ADK: variants seen among roughly 807,000 people sequenced by gnomAD.
ADK encodes N6,N6-dimethyladenosine kinase.
A neutral mutation model predicts 44.7 loss-of-function variants in ADK; 24 were observed. The ratio of observed to expected loss-of-function variants is 0.54; its 90% confidence interval spans 0.39 to 0.76. The LOEUF is 0.76. Ranked by LOEUF, ADK falls within the 30% of genes least tolerant of loss-of-function variation. ADK has a pLI of 0.00. For missense variants in ADK, 321 were observed against 425.1 expected, an observed-to-expected ratio of 0.76 and a Z score of 2.15; for synonymous variants, 128 against 142.6, an observed-to-expected ratio of 0.90 and a Z score of 0.73.
At chr10:74,502,658 G>A (rs1005183401) in intron 6 of ADK, among the ~76,000 whole-genome samples, 2 of 152,154 alleles carry the variant, frequency 1.3e-5, no homozygotes, top group African/African-American at 4.8e-5. Flanking sequence ...ACCTTGTCTT[G>A]TGATGAAGCT....
chr10:74,304,031 T>C (rs1840168126), intron 3 of ADK, among the ~76,000 whole-genome samples: 1 of 152,168 alleles, frequency 6.6e-6, no homozygotes, highest in Admixed American at 6.5e-5. Context: ...AAAAGTAATA[T>C]TGTATGTCTG....
chr10:74,294,016 A>G (rs2132490248), intron 3 of ADK, among the ~76,000 whole-genome samples: 1 of 152,316 alleles, frequency 6.6e-6, no homozygotes, highest in South Asian at 2.1e-4. Context: ...CTTTAAATAT[A>G]TGGAATCATA....
rs563433521 is a variant in ADK, at chr10:74,619,188, C to T, written c.877+18695C>T. On this transcript the variant is annotated intron_variant, in intron 9 of 10. Coordinates refer to ENST00000539909, the MANE Select transcript of ADK (RefSeq NM_006721.4). ...CATCCAGTGAGGCTGGGTCCAGTGG[C>T]TCATGCCTGTAATCCCAGCACTTTG... Among the ~76,000 whole-genome samples the T allele has an allele frequency of 9.2e-5, 14 of 152,270 alleles. No homozygotes were observed. In the East Asian group the frequency reaches 2.5e-3, roughly 27 times the overall value.
rs1297025174 is a variant in ADK, at chr10:74,171,808, CTCTG to C, written c.65+20467_65+20470del. On this transcript the variant is annotated intron_variant, in intron 1 of 10. Coordinates refer to ENST00000539909, the MANE Select transcript of ADK (RefSeq NM_006721.4). Reference sequence around the variant, plus strand: ...ACTCTCTTTCTGTCTCTCTCTGTCTCTCTGTGTGTGTGTGTGTGTGTGTGTGTGT... The same window carrying C: ...ACTCTCTTTCTGTCTCTCTCTGTCTCTGTGTGTGTGTGTGTGTGTGTGTGT... Among the ~76,000 whole-genome samples the C allele has an allele frequency of 6.1e-3, 868 of 142,584 alleles. 7 individuals carry two copies. Among genetic ancestry groups the C allele is most frequent in the African/African-American group, 0.021 (729 of 35,496 alleles). 93.5% of individuals were successfully genotyped at this position (142,584 alleles called of 152,430 possible).
At chr10:74,258,528 A>AGT (rs1015328705) in intron 3 of ADK, among the ~76,000 whole-genome samples, 31 of 152,158 alleles carry the variant, frequency 2.0e-4, no homozygotes, top group African/African-American at 7.0e-4. Flanking sequence ...ATTATACACT[A>AGT]ATCAATTATA....
At chr10:74,169,074 C>T (rs1187086577) in intron 1 of ADK, among the ~76,000 whole-genome samples, 1 of 152,044 alleles carries the variant, frequency 6.6e-6, no homozygotes, top group Admixed American at 6.6e-5. Flanking sequence ...AAAAAATTAG[C>T]TGGGCATGGT....
intron 9 of ADK, among the ~76,000 whole-genome samples, chr10:74,660,198 G>T (rs904077416): frequency 2.0e-5 from 3 of 151,946 alleles, no homozygotes; most frequent in Admixed American, 2.0e-4. Flanking sequence ...GCACTATCTC[G>T]GCTCACTGCA....
intron 4 of ADK, among the ~76,000 whole-genome samples, chr10:74,381,493 A>G (rs1271833009): frequency 6.6e-6 from 1 of 152,254 alleles, no homozygotes; most frequent in Non-Finnish European, 1.5e-5. Context: ...AACAGCAGTC[A>G]GCAATGATGA....
intron 6 of ADK, among the ~76,000 whole-genome samples, chr10:74,466,160 G>A (rs532291334): frequency 2.0e-4 from 30 of 152,150 alleles, no homozygotes; most frequent in African/African-American, 6.5e-4. Flanking sequence ...TGGATGTACC[G>A]GAGCATGTGT....
At chr10:74,477,397 A>G (rs1010479649) in intron 6 of ADK, among the ~76,000 whole-genome samples, 16 of 152,016 alleles carry the variant, frequency 1.1e-4, no homozygotes, top group Non-Finnish European at 5.9e-5. Context: ...TTTTAGAGAT[A>G]GGGTTTTTCC....
chr10:74,526,435 A>G (rs561468342), intron 7 of ADK, among the ~76,000 whole-genome samples: 7 of 152,370 alleles, frequency 4.6e-5, no homozygotes, highest in Admixed American at 6.5e-5. Context: ...GTGTCTTCCT[A>G]TGACTTGGCC....
At chr10:74,275,864 C>T (rs1256954642) in intron 3 of ADK, among the ~76,000 whole-genome samples, 2 of 152,130 alleles carry the variant, frequency 1.3e-5, no homozygotes, top group African/African-American at 4.8e-5. Context: ...TGTTCTTTAA[C>T]TCCTGACCTC....
At position 74,650,056 on chromosome 10, in the gene ADK, G is replaced by T. The variant is rs536960223; in HGVS notation, c.878-20127G>T. Among the ~76,000 whole-genome samples, 5 of 152,244 alleles carry T rather than the reference G, an allele frequency of 3.3e-5. No individual in the cohort carries two copies. The South Asian group carries it at 1.0e-3, about 32-fold the overall frequency. On this transcript the variant is annotated intron_variant, in intron 9 of 10. Coordinates refer to ENST00000539909, the MANE Select transcript of ADK (RefSeq NM_006721.4). ...TTTCCCCTCAGATCCTAGATTTTCA[G>T]ATTAAGCTAATCTTAGAACATGGGC...
chr10:74,601,637 T>A (rs1004046212), intron 9 of ADK, among the ~76,000 whole-genome samples: 5 of 151,994 alleles, frequency 3.3e-5, no homozygotes, highest in Non-Finnish European at 7.4e-5. Context: ...TATGCTATTA[T>A]CTCCACTTGT....
intron 4 of ADK, among the ~76,000 whole-genome samples, chr10:74,370,662 A>G (rs1474089976): frequency 6.6e-6 from 1 of 152,094 alleles, no homozygotes; most frequent in African/African-American, 2.4e-5. Context: ...GCAGTTTGAA[A>G]TATGTGTGAT....
At chr10:74,473,229 G>C (rs1846675287) in intron 6 of ADK, among the ~76,000 whole-genome samples, 1 of 151,738 alleles carries the variant, frequency 6.6e-6, no homozygotes, top group Non-Finnish European at 1.5e-5. Context: ...TATAGAGAGA[G>C]AGCCACTGTG....
chr10:74,592,364 AAAT>A (rs1315934296), intron 8 of ADK, among the ~76,000 whole-genome samples: 1 of 152,160 alleles, frequency 6.6e-6, no homozygotes, highest in Non-Finnish European at 1.5e-5. Context: ...ACATAAATAA[AAAT>A]AAGGTGCTCA....
intron 4 of ADK, among the ~76,000 whole-genome samples, chr10:74,345,883 G>A (rs139379840): frequency 6.6e-5 from 10 of 152,018 alleles, no homozygotes; most frequent in African/African-American, 2.2e-4. Context: ...AAAATTTCTG[G>A]GTTTTTGTTG....
At chr10:74,338,318 G>A (rs1841477463) in intron 4 of ADK, among the ~76,000 whole-genome samples, 1 of 152,154 alleles carries the variant, frequency 6.6e-6, no homozygotes, top group South Asian at 2.1e-4. Context: ...ATCTGTTGCT[G>A]ATAGGAAAAT....
Sources: allele counts gnomAD v4.1 joint callset (sites outside exome capture counted in the v4.1 genomes callset), GRCh38; gene constraint gnomAD v4.1.1; transcripts MANE v1.5; gene names NCBI Gene and HGNC (gene_info 2026-07-23, HGNC 2026-07-21).